The following GPM6A variants were observed in gnomAD, a reference collection of about 807,000 sequenced individuals.
GPM6A encodes the protein glycoprotein M6A.
GPM6A carries 7 observed loss-of-function variants against 32.1 expected under a neutral mutation model. The observed-to-expected ratio is 0.22, with a 90% CI of 0.12 to 0.41. The LOEUF (loss-of-function observed/expected upper bound fraction) is 0.41. Ranked by LOEUF, GPM6A falls within the 10% of genes least tolerant of loss-of-function variation. The probability of loss-of-function intolerance (pLI) is 1.00; values close to 1 mark genes in which losing one functional copy is unlikely to be tolerated. For missense variants in GPM6A, 235 were observed against 347.2 expected, an observed-to-expected ratio of 0.68 and a Z score of 2.57; for synonymous variants, 130 against 123.4, an observed-to-expected ratio of 1.05 and a Z score of -0.35.
chr4:175,656,683 G>T (rs561722104), intron 3 of GPM6A, among the ~76,000 whole-genome samples: 40 of 152,144 alleles, frequency 2.6e-4, no homozygotes, highest in Non-Finnish European at 4.9e-4. Context: ...AAATGTAATT[G>T]GTTTTTCATC....
intron 2 of GPM6A, among the ~76,000 whole-genome samples, chr4:175,684,717 A>T (rs868280281): frequency 6.6e-6 from 1 of 152,092 alleles, no homozygotes; most frequent in African/African-American, 2.4e-5. Context: ...GGTCCTTTCC[A>T]TTCTGTTCCA....
chr4:175,893,859 T>G (rs1737716711), intron 1 of GPM6A, among the ~76,000 whole-genome samples: 1 of 152,148 alleles, frequency 6.6e-6, no homozygotes, highest in Admixed American at 6.6e-5. Flanking sequence ...TTGTAGGACA[T>G]GAAGGTGCTA....
chr4:175,893,922 TAATGATC>T (rs1245951287), intron 1 of GPM6A, among the ~76,000 whole-genome samples: 1 of 152,186 alleles, frequency 6.6e-6, no homozygotes, highest in Non-Finnish European at 1.5e-5. Context: ...ATATAAAATA[TAATGATC>T]AACATTTGAG....
intron 1 of GPM6A, among the ~76,000 whole-genome samples, chr4:175,970,136 A>G (rs1009457897): frequency 1.3e-5 from 2 of 152,214 alleles, no homozygotes; most frequent in African/African-American, 4.8e-5. Context: ...AATATTTGGC[A>G]AATTATCTGG....
intron 1 of GPM6A, among the ~76,000 whole-genome samples, chr4:175,842,954 T>C (rs931300102): frequency 6.6e-6 from 1 of 151,442 alleles, no homozygotes; most frequent in African/African-American, 2.4e-5. Flanking sequence ...AATTGATGCA[T>C]AATTTTTCTT....
At chr4:175,815,847 A>T (rs1237744655), upstream of GPM6A, among the ~76,000 whole-genome samples, 2 of 151,128 alleles carry the variant, frequency 1.3e-5, no homozygotes, top group Non-Finnish European at 2.9e-5. Context: ...CCTCCCAAGT[A>T]TCGAGGATTA....
intron 1 of GPM6A, among the ~76,000 whole-genome samples, chr4:175,850,505 G>A (rs1050894250): frequency 6.6e-6 from 1 of 152,026 alleles, no homozygotes; most frequent in Admixed American, 6.6e-5. Flanking sequence ...ATTTGATTTT[G>A]GACTTGTTGG....
intron 2 of GPM6A, among the ~76,000 whole-genome samples, chr4:175,687,827 T>G (rs1340535451): frequency 6.6e-6 from 1 of 152,204 alleles, no homozygotes; most frequent in African/African-American, 2.4e-5. Flanking sequence ...ATTCCCATAC[T>G]CACCCACACT....
chr4:175,847,061 A>T (rs975493946), intron 1 of GPM6A, among the ~76,000 whole-genome samples: 2 of 152,206 alleles, frequency 1.3e-5, no homozygotes, highest in Admixed American at 1.3e-4. Context: ...TAGAAAAAGA[A>T]GTAATGCAGA....
At chr4:175,981,617 C>T (rs74797681) in intron 1 of GPM6A, among the ~76,000 whole-genome samples, 4,733 of 152,180 alleles carry the variant, frequency 0.031, 162 homozygotes, top group African/African-American at 0.085. Flanking sequence ...CACCAGAGTT[C>T]GCCCATTCAG....
intron 2 of GPM6A, among the ~76,000 whole-genome samples, chr4:175,690,445 A>G (rs1744232906): frequency 6.6e-6 from 1 of 152,208 alleles, no homozygotes. Flanking sequence ...AAAAAGACGC[A>G]TTCTTATGTT....
intron 1 of GPM6A, among the ~76,000 whole-genome samples, chr4:175,832,162 T>C (rs558107513): frequency 6.6e-6 from 1 of 152,192 alleles, no homozygotes; most frequent in Non-Finnish European, 1.5e-5. Context: ...TCTCTAACTT[T>C]CCTATTTCCT....
At chr4:175,840,127 A>C (rs138112900) in intron 1 of GPM6A, among the ~76,000 whole-genome samples, 1 of 152,336 alleles carries the variant, frequency 6.6e-6, no homozygotes, top group African/African-American at 2.4e-5. Flanking sequence ...AGCTATGGCT[A>C]CAACTGACCA....
chr4:175,812,305 T>TTTTG (rs1734958663), upstream of GPM6A: 7 of 1,008,408 alleles, frequency 6.9e-6, 1 homozygote, highest in Admixed American at 2.1e-4. Context: ...CTGGGGGTTT[T>TTTTG]TTTTTTTTTT....
chr4:175,936,169 G>C (rs1232882572), intron 1 of GPM6A, among the ~76,000 whole-genome samples: 2 of 151,254 alleles, frequency 1.3e-5, no homozygotes, highest in Non-Finnish European at 1.5e-5. Flanking sequence ...AGCTGGGCTT[G>C]GTGGCGGGCG....
intron 1 of GPM6A, among the ~76,000 whole-genome samples, chr4:175,738,611 TA>T (rs1731758378): frequency 6.6e-6 from 1 of 151,316 alleles, no homozygotes; most frequent in African/African-American, 2.4e-5. Context: ...ATGGGAAAAA[TA>T]GAGGGCTCAG....
chr4:175,762,778 A>G (rs897399466), intron 1 of GPM6A, among the ~76,000 whole-genome samples: 3 of 152,188 alleles, frequency 2.0e-5, no homozygotes, highest in Non-Finnish European at 4.4e-5. Flanking sequence ...TTCTTTCCCC[A>G]CAACCCCCAG....
chr4:175,915,377 C>T (rs565773753), intron 1 of GPM6A, among the ~76,000 whole-genome samples: 5 of 151,818 alleles, frequency 3.3e-5, no homozygotes, highest in African/African-American at 1.2e-4. Context: ...ACCTCTGCCT[C>T]CCGTGTTCAA....
chr4:175,947,209 C>A (rs1739637386), intron 1 of GPM6A, among the ~76,000 whole-genome samples: 1 of 150,334 alleles, frequency 6.7e-6, no homozygotes, highest in East Asian at 2.0e-4. Flanking sequence ...AACACTAGCT[C>A]GAATTTCCTC....
Sources: gnomAD v4.1 joint callset for allele counts (sites outside exome capture counted in the v4.1 genomes callset) on GRCh38, gnomAD v4.1.1 for gene constraint, MANE v1.5 for transcripts, NCBI Gene and HGNC (gene_info 2026-07-23, HGNC 2026-07-21) for gene names.